Variants in PCNX1 observed in about 807,000 individuals in gnomAD.
PCNX1 encodes the protein pecanex 1.
A neutral mutation model predicts 242.2 loss-of-function variants in PCNX1; 78 were observed. The observed-to-expected ratio is 0.32, with a 90% confidence interval of 0.27 to 0.39. The LOEUF (loss-of-function observed/expected upper bound fraction) is 0.39, where lower values mean the gene tolerates loss of function less well. Among genes scored for constraint, PCNX1 ranks in the 10% least tolerant of loss-of-function variants. The pLI is 1.00. For synonymous variants in PCNX1, 1,024 were observed against 1,032.9 expected, an observed-to-expected ratio of 0.99 and a Z score of 0.17; for missense variants, 2,581 against 2,856.5, an observed-to-expected ratio of 0.90 and a Z score of 2.20.
intron 6 of PCNX1, among the ~76,000 whole-genome samples, chr14:70,981,884 A>G (rs1205888473): frequency 6.6e-6 from 1 of 152,118 alleles, no homozygotes; most frequent in Non-Finnish European, 1.5e-5. Flanking sequence ...GAATAGCCCG[A>G]GTGGAGAGGT....
In PCNX1 at chr14:71,108,791, A is replaced by G. The variant is rs1424609471; in HGVS notation, c.6489A>G (p.Ser2163=). ...AGATATCGCTTCGAAACTTGCCATC[A>G]TCCATCCAATCCCGACTGTCGATGG... The part of the protein sequence containing the change: ...TSQISLRNLP[S]SIQSRLSMVN... The change falls in exon 34 of 36, where the codon TCA becomes TCG. Residue 2163 remains serine (S), a synonymous_variant. Transcript: ENST00000304743. The G allele has an allele frequency of 2.0e-5, 32 of 1,614,090 alleles. No individual in the cohort carries two copies. The highest frequency in any genetic ancestry group is 2.7e-5 in the Non-Finnish European group (32 of 1,180,038).
At chr14:71,085,431 A>G (rs1234612355) in intron 28 of PCNX1, 1 of 152,210 alleles carries the variant, frequency 6.6e-6, no homozygotes, top group Non-Finnish European at 1.5e-5. Context: ...TACAAACACA[A>G]ACTATAAAGG....
At chr14:71,104,173 T>A (rs2062543224) in intron 32 of PCNX1, among the ~76,000 whole-genome samples, 1 of 152,202 alleles carries the variant, frequency 6.6e-6, no homozygotes, top group African/African-American at 2.4e-5. Context: ...TTTCAAATAT[T>A]CACATGATTT....
chr14:71,054,334 G>A (rs2061122964), intron 24 of PCNX1, among the ~76,000 whole-genome samples: 1 of 152,124 alleles, frequency 6.6e-6, no homozygotes, highest in Non-Finnish European at 1.5e-5. Context: ...GCTTCACTGA[G>A]TAATGTAGAT....
intron 1 of PCNX1, among the ~76,000 whole-genome samples, chr14:70,941,374 A>T (rs781707401): frequency 6.6e-6 from 1 of 152,128 alleles, no homozygotes; most frequent in Non-Finnish European, 1.5e-5. Flanking sequence ...CTGCAGGTCT[A>T]TTGGAGTTTG....
At position 71,105,375 on chromosome 14, in the gene PCNX1, G is replaced by T. The variant is rs989948515; in HGVS notation, c.6236G>T (p.Gly2079Val). 2 of 1,613,972 alleles carry T rather than the reference G, an allele frequency of 1.2e-6. No individual in the cohort carries two copies. Among genetic ancestry groups the T allele is most frequent in the Non-Finnish European group, 1.7e-6 (2 of 1,179,996 alleles). ...PHSNVTQGSI[G>V]NPGQGSGTGL... ...AGCAACGTGACCCAGGGAAGCATTG[G>T]AAATCCTGGGCAGGGATCAGGAACT... The change falls in exon 33 of 36, where the codon GGA (glycine) becomes GTA (valine). Residue 2079 changes from glycine to valine, a missense_variant. By Grantham distance (109) the Gly-to-Val change is moderately radical. This residue lies in a region of PCNX1 where 432 missense variants were observed against 433.6 expected (regional missense o/e 1.00). Coordinates refer to ENST00000304743, the MANE Select transcript of PCNX1 (RefSeq NM_014982.3).
intron 12 of PCNX1, among the ~76,000 whole-genome samples, chr14:71,020,116 C>T (rs2060060573): frequency 1.3e-5 from 2 of 152,136 alleles, no homozygotes; most frequent in African/African-American, 4.8e-5. Context: ...ATGAACTCAT[C>T]CTTTTTTATG....
In PCNX1 at chr14:71,111,979, G is replaced by C. The variant is rs1198101268; in HGVS notation, c.*2044G>C. 2 of 152,368 alleles carry C rather than the reference G, an allele frequency of 1.3e-5. No individual in the cohort carries two copies. Among genetic ancestry groups the C allele is most frequent in the African/African-American group, 4.8e-5 (2 of 41,352 alleles). 9.4% of individuals were successfully genotyped at this position (152,368 alleles called of 1,614,324 possible). ...GTTTAGTGTTGTTTTTGGTTTTGGA[G>C]GGTTTTTTTCTGAAACTGAATTTAT... On this transcript the variant is annotated 3_prime_UTR_variant, in exon 36 of 36. Coordinates refer to ENST00000304743, the MANE Select transcript of PCNX1 (RefSeq NM_014982.3).
At chr14:70,936,018 T>C (rs1267777069) in intron 1 of PCNX1, among the ~76,000 whole-genome samples, 1 of 152,244 alleles carries the variant, frequency 6.6e-6, no homozygotes, top group Non-Finnish European at 1.5e-5. Context: ...TTGTGTTGTG[T>C]GTTTGAGAGT....
chr14:71,072,558 G>T (rs559462106), intron 26 of PCNX1, among the ~76,000 whole-genome samples: 46 of 152,266 alleles, frequency 3.0e-4, no homozygotes, highest in African/African-American at 1.1e-3. Context: ...CATCAGCTGG[G>T]ACTAGGTGTC....
At chr14:70,918,937 G>C (rs1406958556) in intron 1 of PCNX1, among the ~76,000 whole-genome samples, 1 of 150,286 alleles carries the variant, frequency 6.7e-6, no homozygotes, top group Non-Finnish European at 1.5e-5. Flanking sequence ...CTGGAGTACA[G>C]TGGTGTGATA....
chr14:71,087,531 T>A (rs938771973), intron 28 of PCNX1, among the ~76,000 whole-genome samples: 1 of 152,212 alleles, frequency 6.6e-6, no homozygotes, highest in Non-Finnish European at 1.5e-5. Context: ...ACCTTTAGCA[T>A]GTATTAGAAT....
chr14:71,110,174 G>A lies in PCNX1; in HGVS notation c.*239G>A. On this transcript the variant is annotated 3_prime_UTR_variant, in exon 36 of 36. Transcript: ENST00000304743. ...AAGTTAGCTGCCGAGAAAACATTTT[G>A]CATGAAGGATAAAGTTCTGTTAAAA... is the stretch of plus-strand genomic sequence containing the variant. The A allele has an allele frequency of 1.8e-6, 1 of 558,734 alleles. No individual in the cohort carries two copies. Among genetic ancestry groups the A allele is most frequent in the Non-Finnish European group, 3.2e-6 (1 of 307,734 alleles). The allele number at this position is 558,734 out of a possible 1,614,324, so 34.6% of individuals were successfully genotyped here. A position where few individuals can be genotyped will look rare whatever the true frequency, so the allele number is the denominator to read the frequency against.
chr14:71,089,412 A>G (rs945787705), intron 30 of PCNX1, 70 bp downstream of exon 30: 13 of 1,175,232 alleles, frequency 1.1e-5, no homozygotes, highest in Middle Eastern at 4.4e-4. Context: ...TTTCAATATT[A>G]GTCCATTCTC....
At chr14:70,931,952 T>C (rs959395186) in intron 1 of PCNX1, among the ~76,000 whole-genome samples, 7 of 152,192 alleles carry the variant, frequency 4.6e-5, no homozygotes, top group African/African-American at 4.8e-5. Context: ...GGATAAACCC[T>C]GTCTCTACTA....
intron 6 of PCNX1, among the ~76,000 whole-genome samples, chr14:70,980,302 C>CCCTTGTTTTTAAGGGCTAA (rs2058801315): frequency 6.6e-6 from 1 of 151,472 alleles, no homozygotes; most frequent in Non-Finnish European, 1.5e-5. Flanking sequence ...CGGTGCTGTT[C>CCCTTGTTTTTAAGGGCTAA]TTTAAGCTAT....
At chr14:70,947,841 C>T (rs576514382) in intron 2 of PCNX1, among the ~76,000 whole-genome samples, 1 of 152,224 alleles carries the variant, frequency 6.6e-6, no homozygotes, top group South Asian at 2.1e-4. Flanking sequence ...AAAGAAATAT[C>T]GCTGAATTCT....
intron 2 of PCNX1, among the ~76,000 whole-genome samples, chr14:70,950,264 T>C (rs2057724286): frequency 1.3e-5 from 2 of 152,190 alleles, no homozygotes; most frequent in African/African-American, 4.8e-5. Context: ...ATTGTTCTTA[T>C]AAACTATTAT....
chr14:71,040,356 C>A (rs533080785), intron 19 of PCNX1, among the ~76,000 whole-genome samples: 2 of 152,082 alleles, frequency 1.3e-5, no homozygotes, highest in Non-Finnish European at 1.5e-5. Context: ...ATGTAGATAA[C>A]TTTTTTTCTG....
Sources: gnomAD v4.1 joint callset for allele counts (sites outside exome capture counted in the v4.1 genomes callset) on GRCh38, gnomAD v4.1.1 for gene constraint, gnomAD v4.1.1 regional missense constraint, MANE v1.5 for transcripts, NCBI Gene and HGNC (gene_info 2026-07-23, HGNC 2026-07-21) for gene names.